RPTOR: variants seen among roughly 807,000 people sequenced by gnomAD.
The protein encoded by RPTOR is regulatory associated protein of MTOR complex 1.
A neutral mutation model predicts 169.9 loss-of-function variants in RPTOR; 21 were observed. That is an observed-to-expected ratio of 0.12 (90% CI 0.09 to 0.18). The LOEUF (loss-of-function observed/expected upper bound fraction) is 0.18. RPTOR is among the 10% of genes least tolerant of loss of function. The probability of loss-of-function intolerance (pLI) is 1.00; values close to 1 mark genes in which losing one functional copy is unlikely to be tolerated. For missense variants in RPTOR, 1,133 were observed against 1,855.9 expected, an observed-to-expected ratio of 0.61 and a Z score of 7.16; for synonymous variants, 732 against 753.2, an observed-to-expected ratio of 0.97 and a Z score of 0.46.
intron 3 of RPTOR, among the ~76,000 whole-genome samples, chr17:80,645,123 G>T (rs530477091): frequency 6.6e-6 from 1 of 152,280 alleles, no homozygotes; most frequent in Admixed American, 6.5e-5. Flanking sequence ...AAATGTAGTT[G>T]AGATGCCTCG....
At chr17:80,835,454 C>T (rs1162035106) in intron 9 of RPTOR, among the ~76,000 whole-genome samples, 2 of 152,164 alleles carry the variant, frequency 1.3e-5, no homozygotes, top group South Asian at 2.1e-4. Context: ...GATCATCACT[C>T]GGTTTCCACA....
intron 23 of RPTOR, among the ~76,000 whole-genome samples, chr17:80,924,649 T>C (rs1431310790): frequency 1.3e-5 from 2 of 150,520 alleles, no homozygotes; most frequent in Non-Finnish European, 3.0e-5. Flanking sequence ...CACGTGCAGC[T>C]CACCCACCCG....
rs534422731 is a variant in RPTOR, at chr17:80,682,907, T to C, written c.349-24934T>C. ...CCTTGAACTCCTGGGCTCAAGTGAT[T>C]CTCCTGCCTCAGCCTCCTGAGTAGC... On this transcript the variant is annotated intron_variant, in intron 3 of 33. Coordinates refer to ENST00000306801, the MANE Select transcript of RPTOR (RefSeq NM_020761.3). 2.6e-5 allele frequency among the ~76,000 whole-genome samples: 4 copies of C among 152,226 alleles called. No individual in the cohort carries two copies. In the East Asian group the frequency reaches 7.7e-4, roughly 29 times the overall value.
chr17:80,921,353 A>G (rs9901846), intron 21 of RPTOR, among the ~76,000 whole-genome samples: 87,548 of 152,028 alleles, frequency 0.58, 25,607 homozygotes, highest in African/African-American at 0.67. Context: ...AGGTTGCCCC[A>G]GCACCATCAG....
chr17:80,715,860 C>G (rs112826024), intron 4 of RPTOR, among the ~76,000 whole-genome samples: 1 of 152,116 alleles, frequency 6.6e-6, no homozygotes, highest in Non-Finnish European at 1.5e-5. Flanking sequence ...AAATAATAGT[C>G]TCCAGTCTCA....
At chr17:80,961,859 A>G (rs779879345) in intron 31 of RPTOR, 35 of 237,022 alleles carry the variant, frequency 1.5e-4, no homozygotes, top group Non-Finnish European at 2.6e-4. Flanking sequence ...CTTGGTAAAT[A>G]CAGCACCAAG....
At chr17:80,621,030 G>A (rs1323320194) in intron 1 of RPTOR, among the ~76,000 whole-genome samples, 1 of 152,212 alleles carries the variant, frequency 6.6e-6, no homozygotes, top group Non-Finnish European at 1.5e-5. Flanking sequence ...TAAACAAGAT[G>A]AATGAAATTA....
chr17:80,742,591 T>C (rs1297967745), intron 5 of RPTOR, among the ~76,000 whole-genome samples: 2 of 151,882 alleles, frequency 1.3e-5, no homozygotes, highest in African/African-American at 4.8e-5. Context: ...CATATATGCA[T>C]ATAGACATGC....
chr17:80,940,450 C>G (rs2069010427), intron 24 of RPTOR, 46 bp from the exon 25 acceptor site: 1 of 1,542,196 alleles, frequency 6.5e-7, no homozygotes, highest in African/African-American at 1.4e-5. Context: ...CAAGAGACAA[C>G]CCTGTTTCAT....
At chr17:80,931,459 G>A (rs951047926) in intron 24 of RPTOR, among the ~76,000 whole-genome samples, 47 of 152,330 alleles carry the variant, frequency 3.1e-4, no homozygotes, top group African/African-American at 1.1e-3. Context: ...GCCACAGGCT[G>A]CACAGGCCAT....
intron 18 of RPTOR, among the ~76,000 whole-genome samples, chr17:80,892,260 G>A (rs913662291): frequency 3.3e-5 from 5 of 152,044 alleles, no homozygotes; most frequent in South Asian, 4.2e-4. Context: ...CTATCTCATC[G>A]CTGCCGGCAG....
intron 3 of RPTOR, among the ~76,000 whole-genome samples, chr17:80,656,895 C>T (rs952524353): frequency 1.3e-5 from 2 of 152,170 alleles, no homozygotes; most frequent in African/African-American, 4.8e-5. Context: ...CAGGGAGCCG[C>T]GGGGACACTG....
At position 80,677,595 on chromosome 17, in the gene RPTOR, G is replaced by A. The variant is rs111345123; in HGVS notation, c.349-30246G>A. On this transcript the variant is annotated intron_variant, in intron 3 of 33. Coordinates refer to ENST00000306801, the MANE Select transcript of RPTOR (RefSeq NM_020761.3). ...CTCCCACCTTCCCTCTCACCAGACTGCAGCCTGACTGCTGACATTTCAGTG... is the reference window on the plus strand; with the variant it reads ...CTCCCACCTTCCCTCTCACCAGACTACAGCCTGACTGCTGACATTTCAGTG... Among the ~76,000 whole-genome samples the A allele has an allele frequency of 6.8e-3, 1,028 of 152,082 alleles. 6 individuals carry two copies. The highest frequency in any genetic ancestry group is 9.8e-3 in the Non-Finnish European group (669 of 67,992).
intron 5 of RPTOR, among the ~76,000 whole-genome samples, chr17:80,751,989 T>C (rs1193178383): frequency 1.3e-5 from 2 of 152,264 alleles, no homozygotes; most frequent in Non-Finnish European, 1.5e-5. Context: ...TATAGGTATT[T>C]GTAGACACGT....
intron 1 of RPTOR, among the ~76,000 whole-genome samples, chr17:80,586,987 T>C (rs1459668859): frequency 6.6e-6 from 1 of 152,250 alleles, no homozygotes; most frequent in Non-Finnish European, 1.5e-5. Flanking sequence ...GAGCCGGTCA[T>C]GGGCCACGTC....
At chr17:80,857,975 C>T in intron 13 of RPTOR, 75 bp downstream of exon 13, 1 of 1,143,306 alleles carries the variant, frequency 8.7e-7, no homozygotes, top group Non-Finnish European at 1.3e-6. Flanking sequence ...CCCTGCGTTT[C>T]CAGCCTGCCC....
chr17:80,857,937 A>C (rs773798093), intron 13 of RPTOR, 37 bp downstream of exon 13: 1 of 1,523,188 alleles, frequency 6.6e-7, no homozygotes. Context: ...AGTGATGTGA[A>C]CCTGCCGGCC....
chr17:80,569,408 C>T (rs563520966), intron 1 of RPTOR, among the ~76,000 whole-genome samples: 12 of 152,022 alleles, frequency 7.9e-5, no homozygotes, highest in Non-Finnish European at 1.6e-4. Context: ...GCTTGTAATC[C>T]CAGCACTTTG....
At chr17:80,744,857 TAGCACTGTCCTGGTTACG>T (rs1479931231) in intron 5 of RPTOR, among the ~76,000 whole-genome samples, 11 of 105,506 alleles carry the variant, frequency 1.0e-4, no homozygotes, top group South Asian at 6.6e-4. Flanking sequence ...TCCTGGCTAC[TAGCACTGTCCTGGTTACG>T]AGCACAGCCC....
Sources: gnomAD v4.1 joint callset for allele counts (sites outside exome capture counted in the v4.1 genomes callset) on GRCh38, gnomAD v4.1.1 for gene constraint, MANE v1.5 for transcripts, NCBI Gene and HGNC (gene_info 2026-07-23, HGNC 2026-07-21) for gene names.